The following CFAP54 variants were observed in gnomAD, a reference collection of about 807,000 sequenced individuals.
The protein encoded by CFAP54 is cilia- and flagella-associated protein 54.
In CFAP54, 290 loss-of-function variants were observed where a neutral mutation model predicts 370.4. That is an observed-to-expected ratio of 0.78 (90% CI 0.71 to 0.86). The LOEUF (loss-of-function observed/expected upper bound fraction) is 0.86, where lower values mean the gene tolerates loss of function less well. Among genes scored for constraint, CFAP54 ranks in the 40% least tolerant of loss-of-function variants. The pLI is 0.00. For synonymous variants in CFAP54, 1,206 were observed against 1,236.5 expected (o/e 0.98, Z 0.52); for missense variants, 3,399 against 3,528.7 (o/e 0.96, Z 0.93).
At chr12:96,521,015 A>C (rs1354961319) in intron 6 of CFAP54, among the ~76,000 whole-genome samples, 1 of 152,206 alleles carries the variant, frequency 6.6e-6, no homozygotes, top group African/African-American at 2.4e-5. Flanking sequence ...AGTTAACTTC[A>C]GTGTACTAGT....
chr12:96,804,673 T>C (rs1467569752), intron 63 of CFAP54, among the ~76,000 whole-genome samples: 4 of 152,010 alleles, frequency 2.6e-5, no homozygotes, highest in African/African-American at 9.7e-5. Context: ...TCAATATTAC[T>C]AAAATGACCA....
chr12:96,628,019 C>CT (rs1237898469), intron 30 of CFAP54, among the ~76,000 whole-genome samples: 1 of 152,184 alleles, frequency 6.6e-6, no homozygotes, highest in Non-Finnish European at 1.5e-5. Context: ...ACAACATCGC[C>CT]TACAGCGTTC....
At chr12:96,873,527 T>C (rs1246512290) in intron 67 of CFAP54, among the ~76,000 whole-genome samples, 1 of 152,198 alleles carries the variant, frequency 6.6e-6, no homozygotes, top group South Asian at 2.1e-4. Flanking sequence ...TTGTGACATT[T>C]TGTCTTCAGT....
At position 96,650,046 on chromosome 12, in the gene CFAP54, A is replaced by C. The variant is rs1269714731; in HGVS notation, c.4846A>C (p.Ile1616Leu). The C allele has an allele frequency of 6.2e-7, 1 of 1,612,404 alleles. No homozygotes were observed. The highest frequency in any genetic ancestry group is 1.1e-5 in the South Asian group (1 of 90,450). ...NLCVMDHFMK[I>L]FLYCRRAMVL... Reference sequence around the variant, plus strand: ...GTGTGTAATGGATCATTTTATGAAAATCTTTTTATACTGCAGGAGAGCAAT... The same window carrying C: ...GTGTGTAATGGATCATTTTATGAAACTCTTTTTATACTGCAGGAGAGCAAT... Residue 1616 changes from isoleucine to leucine, a missense_variant, in exon 35 of 68, where the codon ATC (isoleucine) becomes CTC (leucine). By Grantham distance (5) the Ile-to-Leu change is conservative. Around this residue, in one of 3 missense-constraint regions of CFAP54, gnomAD observed 2,796 missense variants for 2,869.7 expected, o/e 0.97. Transcript: ENST00000524981.
chr12:96,693,481 G>A (rs1359504662), intron 44 of CFAP54, among the ~76,000 whole-genome samples: 1 of 152,124 alleles, frequency 6.6e-6, no homozygotes, highest in Non-Finnish European at 1.5e-5. Context: ...ACCTAGGTTT[G>A]GGGTACCAAA....
rs1956026677 is a variant in CFAP54 at position 96,580,875 on chromosome 12, A to G, written c.2890-45A>G. ...TTAATTGTATTTTAAAAGTCATGTTATTTTAATTTTTCATGTATAACTTGA... is the reference window on the plus strand; with the variant it reads ...TTAATTGTATTTTAAAAGTCATGTTGTTTTAATTTTTCATGTATAACTTGA... On this transcript the variant is annotated intron_variant, in intron 21 of 67. Transcript: ENST00000524981. 7 of 1,313,686 alleles carry G rather than the reference A, an allele frequency of 5.3e-6. No individual in the cohort carries two copies. In the East Asian group the frequency reaches 1.9e-4, roughly 35 times the overall value. 81.4% of individuals were successfully genotyped at this position (1,313,686 alleles called of 1,614,324 possible).
chr12:96,686,408 TACCCAAG>T (rs1376737492), intron 42 of CFAP54, among the ~76,000 whole-genome samples: 2 of 152,196 alleles, frequency 1.3e-5, no homozygotes, highest in Non-Finnish European at 2.9e-5. Context: ...TACAAAGAAA[TACCCAAG>T]ACTGAGTAAT....
In CFAP54 at chr12:96,742,506, ACATT is replaced by A. The variant is rs779844070; in HGVS notation, c.7143_7146del (p.His2382CysfsTer3). ...TCCCTAAATGCCCGAGAATATTTCAACATTCATCTGTGGTTGAGGTGCCGCTTAG... is the reference window on the plus strand; with the variant it reads ...TCCCTAAATGCCCGAGAATATTTCAACATCTGTGGTTGAGGTGCCGCTTAG... On this transcript the variant is annotated frameshift_variant, in exon 52 of 68. Transcript: ENST00000524981. LOFTEE classifies it high-confidence loss of function. 7 of 1,612,776 alleles carry A rather than the reference ACATT, an allele frequency of 4.3e-6. No homozygotes were observed. The highest frequency in any genetic ancestry group is 5.9e-6 in the Non-Finnish European group (7 of 1,179,130).
intron 60 of CFAP54, among the ~76,000 whole-genome samples, chr12:96,777,152 A>C: frequency 6.6e-6 from 1 of 152,126 alleles, no homozygotes; most frequent in Non-Finnish European, 1.5e-5. Flanking sequence ...TGAAAAAAAA[A>C]GTAAAAGTGC....
intron 66 of CFAP54, among the ~76,000 whole-genome samples, chr12:96,838,583 A>G (rs1959193864): frequency 6.6e-6 from 1 of 152,178 alleles, no homozygotes; most frequent in African/African-American, 2.4e-5. Context: ...AGCTGCTTAT[A>G]AAACCGTGAC....
At chr12:96,754,373 A>C (rs1372445205) in intron 56 of CFAP54, among the ~76,000 whole-genome samples, 3 of 152,248 alleles carry the variant, frequency 2.0e-5, no homozygotes, top group African/African-American at 7.2e-5. Flanking sequence ...AGACATTTAT[A>C]TAATTTTATT....
At chr12:96,504,338 G>A (rs1295755799) in intron 3 of CFAP54, among the ~76,000 whole-genome samples, 2 of 149,516 alleles carry the variant, frequency 1.3e-5, no homozygotes, top group Non-Finnish European at 3.0e-5. Context: ...AATTTTATGA[G>A]TTACATACTA....
At chr12:96,615,000 GA>G (rs1186471228) in intron 26 of CFAP54, among the ~76,000 whole-genome samples, 3 of 152,052 alleles carry the variant, frequency 2.0e-5, no homozygotes, top group South Asian at 4.2e-4. Flanking sequence ...CACAGAATTG[GA>G]AAAAAACTAC....
chr12:96,508,591 ATT>A (rs755495094), intron 4 of CFAP54, among the ~76,000 whole-genome samples: 40 of 119,602 alleles, frequency 3.3e-4, no homozygotes, highest in African/African-American at 1.2e-3. Context: ...CGGCCTCTCA[ATT>A]TTTTTTTTTT....
At chr12:96,694,269 C>G (rs918647157) in intron 45 of CFAP54, among the ~76,000 whole-genome samples, 8 of 152,156 alleles carry the variant, frequency 5.3e-5, no homozygotes, top group Non-Finnish European at 1.2e-4. Flanking sequence ...AGTTAAGGTT[C>G]TCTGCCTTTG....
chr12:96,580,166 C>CT (rs200953008), intron 20 of CFAP54, among the ~76,000 whole-genome samples: 5,451 of 149,934 alleles, frequency 0.036, 332 homozygotes, highest in African/African-American at 0.13. Flanking sequence ...GAGTGTTAAT[C>CT]TTTTTTTTTA....
At chr12:96,558,138 A>G (rs1955774242) in intron 17 of CFAP54, among the ~76,000 whole-genome samples, 1 of 152,168 alleles carries the variant, frequency 6.6e-6, no homozygotes, top group Non-Finnish European at 1.5e-5. Flanking sequence ...GGTGGTTTAC[A>G]TGTGTTCATG....
chr12:96,831,240 G>A (rs1959170241), intron 66 of CFAP54, among the ~76,000 whole-genome samples: 1 of 152,122 alleles, frequency 6.6e-6, no homozygotes, highest in Non-Finnish European at 1.5e-5. Context: ...CACTCTCCTA[G>A]AGCTACTATT....
intron 48 of CFAP54, among the ~76,000 whole-genome samples, chr12:96,714,828 T>C: frequency 6.6e-6 from 1 of 151,974 alleles, no homozygotes; most frequent in South Asian, 2.1e-4. Flanking sequence ...TTGATGGGAA[T>C]CATCAAATAG....
Sources: allele counts gnomAD v4.1 joint callset (sites outside exome capture counted in the v4.1 genomes callset), GRCh38; gene constraint gnomAD v4.1.1; regional missense constraint gnomAD v4.1.1; transcripts MANE v1.5; gene names NCBI Gene and HGNC (gene_info 2026-07-23, HGNC 2026-07-21).